DIP2C: variants seen among roughly 807,000 people sequenced by gnomAD.
DIP2C encodes the protein DIP2 acetate--CoA ligase C (putative), also known as disco-interacting protein 2 homolog C.
Under a neutral mutation model 192.4 loss-of-function variants are expected in DIP2C, and 33 were observed. The ratio of observed to expected loss-of-function variants is 0.17; its 90% CI spans 0.13 to 0.23. DIP2C has a LOEUF of 0.23. DIP2C is among the 10% of genes least tolerant of loss of function. DIP2C has a pLI of 1.00. For missense variants in DIP2C, 1,537 were observed against 2,110.1 expected (o/e 0.73, Z 5.32); for synonymous variants, 979 against 864.1 (o/e 1.13, Z -2.33).
chr10:446,281 C>T (rs1239188578), intron 3 of DIP2C, among the ~76,000 whole-genome samples: 1 of 152,132 alleles, frequency 6.6e-6, no homozygotes, highest in East Asian at 1.9e-4. Context: ...TCACGGTCCA[C>T]TGGGCATCTA....
At chr10:400,814 A>G (rs370211914) in intron 9 of DIP2C, among the ~76,000 whole-genome samples, 358 of 139,014 alleles carry the variant, frequency 2.6e-3, no homozygotes, top group East Asian at 5.8e-3. Context: ...CTTCCTTATG[A>G]ACAAGTTTGG....
chr10:368,610 C>A (rs1960583386), intron 18 of DIP2C, among the ~76,000 whole-genome samples: 1 of 152,238 alleles, frequency 6.6e-6, no homozygotes, highest in Non-Finnish European at 1.5e-5. Context: ...GGCCCTAGCG[C>A]AGCTCACCAT....
rs1457601419 is a variant in DIP2C at position 275,859 on chromosome 10, T to C, written c.*1466A>G. The C allele has an allele frequency of 6.6e-6, 1 of 152,268 alleles. No individual in the cohort carries two copies. Among genetic ancestry groups the C allele is most frequent in the East Asian group, 1.9e-4 (1 of 5,194 alleles). The allele number at this position is 152,268 out of a possible 1,614,324, so 9.4% of individuals were successfully genotyped here. ...GCAAACGACGCAGCTGGAGGACTTCTTGCTTCAGCCGGAGCTCTGGCATGA... is the reference window on the plus strand; with the variant it reads ...GCAAACGACGCAGCTGGAGGACTTCCTGCTTCAGCCGGAGCTCTGGCATGA... On this transcript the variant is annotated 3_prime_UTR_variant, in exon 37 of 37. Coordinates refer to ENST00000280886, the MANE Select transcript of DIP2C (RefSeq NM_014974.3).
At chr10:328,439 G>C (rs569651765) in intron 30 of DIP2C, among the ~76,000 whole-genome samples, 21 of 152,186 alleles carry the variant, frequency 1.4e-4, no homozygotes, top group Admixed American at 1.0e-3. Context: ...GAGAGCTATT[G>C]TAAGGATGAA....
intron 4 of DIP2C, among the ~76,000 whole-genome samples, chr10:425,178 G>A (rs111738289): frequency 9.3e-3 from 194 of 20,908 alleles, no homozygotes; most frequent in Non-Finnish European, 0.011. Context: ...AATATGACAC[G>A]GATGATACAG....
chr10:531,201 G>A (rs1847349827), intron 1 of DIP2C, among the ~76,000 whole-genome samples: 1 of 152,140 alleles, frequency 6.6e-6, no homozygotes, highest in Non-Finnish European at 1.5e-5. Flanking sequence ...CGTGTGTGCT[G>A]TGACTTTCCC....
chr10:291,786 T>C (rs1214659432), intron 32 of DIP2C, among the ~76,000 whole-genome samples: 1 of 152,228 alleles, frequency 6.6e-6, no homozygotes, highest in African/African-American at 2.4e-5. Context: ...GAGTTATAAG[T>C]AGCTGGGGTT....
chr10:582,141 G>A (rs554903524), intron 1 of DIP2C, among the ~76,000 whole-genome samples: 6 of 152,182 alleles, frequency 3.9e-5, no homozygotes, highest in East Asian at 1.9e-4. Context: ...CTCACTCACC[G>A]GCCACCCACC....
chr10:482,134 G>A (rs558509076), intron 2 of DIP2C, among the ~76,000 whole-genome samples: 6 of 152,304 alleles, frequency 3.9e-5, no homozygotes, highest in Admixed American at 1.3e-4. Context: ...ACCTGGACAC[G>A]GCCAAGTGCA....
intron 16 of DIP2C, among the ~76,000 whole-genome samples, chr10:383,759 A>G (rs1962599751): frequency 6.6e-6 from 1 of 152,096 alleles, no homozygotes; most frequent in South Asian, 2.1e-4. Context: ...GAATCAAGAC[A>G]TCCTCTGAAT....
intron 1 of DIP2C, among the ~76,000 whole-genome samples, chr10:605,909 TTTCA>T (rs1268131725): frequency 6.6e-6 from 1 of 152,180 alleles, no homozygotes; most frequent in Non-Finnish European, 1.5e-5. Flanking sequence ...CACTGCAGCC[TTTCA>T]GGCCGTGCCA....
chr10:563,622 AAG>A (rs1374320037), intron 1 of DIP2C, among the ~76,000 whole-genome samples: 1 of 152,234 alleles, frequency 6.6e-6, no homozygotes, highest in Non-Finnish European at 1.5e-5. Flanking sequence ...GAAAATGAAA[AAG>A]AAACCAAAGT....
intron 22 of DIP2C, among the ~76,000 whole-genome samples, chr10:360,903 T>C (rs1959397075): frequency 6.6e-6 from 1 of 152,170 alleles, no homozygotes; most frequent in African/African-American, 2.4e-5. Flanking sequence ...AATGTTTGCT[T>C]TGGCTTCCAA....
chr10:554,084 G>C (rs1490787885), intron 1 of DIP2C, among the ~76,000 whole-genome samples: 1 of 151,626 alleles, frequency 6.6e-6, no homozygotes, highest in Non-Finnish European at 1.5e-5. Flanking sequence ...TAGGAGAAAA[G>C]GTATAGCTTG....
At chr10:536,680 G>A (rs923126072) in intron 1 of DIP2C, among the ~76,000 whole-genome samples, 3 of 152,212 alleles carry the variant, frequency 2.0e-5, no homozygotes, top group African/African-American at 7.2e-5. Context: ...TCTGTGGAGG[G>A]GGGGCCATCC....
chr10:408,848 T>C, intron 9 of DIP2C, 78 bp downstream of exon 9: 1 of 1,433,128 alleles, frequency 7.0e-7, no homozygotes, highest in South Asian at 1.2e-5. Flanking sequence ...CGCTGAACTC[T>C]GTAATGTTTA....
At chr10:373,180 G>C (rs978702099) in intron 17 of DIP2C, among the ~76,000 whole-genome samples, 1 of 152,120 alleles carries the variant, frequency 6.6e-6, no homozygotes, top group Non-Finnish European at 1.5e-5. Flanking sequence ...TCTGATCCCA[G>C]GACACTGAGT....
chr10:674,771 A>AATATATATATATATATATATATATATAT (rs375454744), intron 1 of DIP2C, among the ~76,000 whole-genome samples: 1 of 27,698 alleles, frequency 3.6e-5, no homozygotes, highest in Admixed American at 5.8e-4. Context: ...CTCCATCTCA[A>AATATATATATATATATATATATATATAT]ATATATATAT....
chr10:650,217 G>A (rs1179724896), intron 1 of DIP2C: 12 of 717,280 alleles, frequency 1.7e-5, no homozygotes, highest in Non-Finnish European at 3.1e-5. Flanking sequence ...GCCACACGGG[G>A]AGGGCTGTTC....
Sources: allele counts gnomAD v4.1 joint callset (sites outside exome capture counted in the v4.1 genomes callset), GRCh38; gene constraint gnomAD v4.1.1; transcripts MANE v1.5; gene names NCBI Gene and HGNC (gene_info 2026-07-23, HGNC 2026-07-21).